RYR2: variants seen among roughly 807,000 people sequenced by gnomAD.
RYR2 encodes the protein cardiac muscle ryanodine receptor-calcium release channel.
RYR2 carries 227 observed loss-of-function variants against 601.1 expected under a neutral mutation model. The observed-to-expected ratio is 0.38, with a 90% confidence interval of 0.34 to 0.42. The LOEUF is 0.42. Ranked by LOEUF, RYR2 falls within the 10% of genes least tolerant of loss-of-function variation. The probability of loss-of-function intolerance (pLI) is 1.00; values close to 1 mark genes in which losing one functional copy is unlikely to be tolerated. For missense variants in RYR2, 4,646 were observed against 6,156.5 expected (o/e 0.75, Z 8.21); for synonymous variants, 2,223 against 2,175.1 (o/e 1.02, Z -0.61).
chr1:237,615,699 C>G (rs1678390694), intron 37 of RYR2, among the ~76,000 whole-genome samples: 1 of 152,112 alleles, frequency 6.6e-6, no homozygotes, highest in African/African-American at 2.4e-5. Flanking sequence ...ACAAGTGAAC[C>G]CTGCCTTTCA....
intron 73 of RYR2, among the ~76,000 whole-genome samples, chr1:237,719,194 T>C (rs534646914): frequency 2.0e-5 from 3 of 151,964 alleles, no homozygotes; most frequent in Admixed American, 1.3e-4. Flanking sequence ...GAGGTGGAGG[T>C]TGCAGTGAAC....
chr1:237,074,790 G>A (rs1211862422), intron 1 of RYR2, among the ~76,000 whole-genome samples: 2 of 152,144 alleles, frequency 1.3e-5, no homozygotes, highest in Admixed American at 6.5e-5. Context: ...TGATTCAGGC[G>A]ATGTTACGTT....
intron 1 of RYR2, among the ~76,000 whole-genome samples, chr1:237,172,892 T>C (rs1677576948): frequency 6.6e-6 from 1 of 152,164 alleles, no homozygotes; most frequent in Non-Finnish European, 1.5e-5. Context: ...GGTGAGTGGA[T>C]TTCTATCCTA....
At chr1:237,347,467 T>A (rs1698404153) in intron 3 of RYR2, among the ~76,000 whole-genome samples, 1 of 152,332 alleles carries the variant, frequency 6.6e-6, no homozygotes, top group African/African-American at 2.4e-5. Context: ...TAAATGCTGA[T>A]GTTTTAATGA....
chr1:237,642,380 G>T (rs1429040822), intron 47 of RYR2, among the ~76,000 whole-genome samples: 1 of 152,080 alleles, frequency 6.6e-6, no homozygotes, highest in Non-Finnish European at 1.5e-5. Context: ...TTAGTAAATG[G>T]AAACAGAGAC....
At chr1:237,660,442 C>A (rs1435827235) in intron 55 of RYR2, among the ~76,000 whole-genome samples, 2 of 151,970 alleles carry the variant, frequency 1.3e-5, no homozygotes, top group Non-Finnish European at 2.9e-5. Context: ...TATTTTACTT[C>A]TTTGGGAAAG....
intron 24 of RYR2, among the ~76,000 whole-genome samples, chr1:237,513,503 C>T (rs1666119435): frequency 6.6e-6 from 1 of 152,176 alleles, no homozygotes; most frequent in African/African-American, 2.4e-5. Flanking sequence ...GGTATATAGT[C>T]ATGAGCTGCC....
chr1:237,334,283 A>G (rs997528906), intron 3 of RYR2, among the ~76,000 whole-genome samples: 1 of 152,092 alleles, frequency 6.6e-6, no homozygotes, highest in African/African-American at 2.4e-5. Context: ...GATGTGTAAG[A>G]TGAAATGGGA....
intron 63 of RYR2, 139 bp downstream of exon 63, chr1:237,687,643 G>T: frequency 1.5e-6 from 1 of 679,154 alleles, no homozygotes. Context: ...GCCAAGATAA[G>T]GTCCTCGAGG....
chr1:237,362,089 GC>G (rs1699829670), intron 4 of RYR2, among the ~76,000 whole-genome samples: 1 of 152,118 alleles, frequency 6.6e-6, no homozygotes, highest in African/African-American at 2.4e-5. Context: ...TGTGGCATGT[GC>G]CCCCAGGTTT....
intron 1 of RYR2, among the ~76,000 whole-genome samples, chr1:237,054,698 T>C (rs148537394): frequency 6.6e-6 from 1 of 152,318 alleles, no homozygotes; most frequent in East Asian, 1.9e-4. Context: ...AGAAATTAAA[T>C]AAAATCTTTG....
At chr1:237,208,936 G>GTGTGTATATATATA (rs1418847642) in intron 1 of RYR2, among the ~76,000 whole-genome samples, 9 of 89,862 alleles carry the variant, frequency 1.0e-4, no homozygotes, top group Non-Finnish European at 1.9e-4. Context: ...ATGTGTGTGT[G>GTGTGTATATATATA]TATATATATA....
At chr1:237,083,131 C>G (rs928221583) in intron 1 of RYR2, among the ~76,000 whole-genome samples, 1 of 152,206 alleles carries the variant, frequency 6.6e-6, no homozygotes, top group Non-Finnish European at 1.5e-5. Flanking sequence ...AGCAGTTACC[C>G]TTTTCAACAT....
At chr1:237,357,976 T>C (rs1699445738) in intron 4 of RYR2, among the ~76,000 whole-genome samples, 1 of 152,174 alleles carries the variant, frequency 6.6e-6, no homozygotes, top group Non-Finnish European at 1.5e-5. Context: ...GCTCTTTTTT[T>C]CTTTGAAGAC....
intron 1 of RYR2, among the ~76,000 whole-genome samples, chr1:237,244,030 C>G (rs1686505166): frequency 6.6e-6 from 1 of 152,026 alleles, no homozygotes; most frequent in Non-Finnish European, 1.5e-5. Context: ...GTATCGGTCA[C>G]TGGTACAGAG....
chr1:237,422,963 T>C (rs1052601665), intron 11 of RYR2, 129 bp from the exon 12 acceptor site: 1 of 1,038,240 alleles, frequency 9.6e-7, no homozygotes, highest in Non-Finnish European at 1.4e-6. Flanking sequence ...TTAATATCAC[T>C]AATATCCTAA....
At chr1:237,113,404 T>C (rs539312808) in intron 1 of RYR2, among the ~76,000 whole-genome samples, 6 of 152,108 alleles carry the variant, frequency 3.9e-5, no homozygotes, top group African/African-American at 1.2e-4. Context: ...TTTCACCATG[T>C]TGACCAGGCT....
intron 56 of RYR2, 77 bp from the exon 57 acceptor site, chr1:237,666,435 A>G: frequency 2.3e-6 from 3 of 1,285,268 alleles, no homozygotes; most frequent in South Asian, 1.4e-5. Context: ...AATTTGTGCC[A>G]TATTTTTAAA....
intron 3 of RYR2, among the ~76,000 whole-genome samples, chr1:237,355,651 C>G (rs567357066): frequency 1.1e-4 from 17 of 152,044 alleles, no homozygotes; most frequent in African/African-American, 4.1e-4. Context: ...ATCAGAAGGC[C>G]TATTACGTTT....
Sources: gnomAD v4.1 joint callset for allele counts (sites outside exome capture counted in the v4.1 genomes callset) on GRCh38, gnomAD v4.1.1 for gene constraint, MANE v1.5 for transcripts, NCBI Gene and HGNC (gene_info 2026-07-23, HGNC 2026-07-21) for gene names.